SETD1A: variants seen among roughly 807,000 people sequenced by gnomAD.
SETD1A encodes the protein histone-lysine N-methyltransferase SETD1A.
In SETD1A, 29 loss-of-function variants were observed where a neutral mutation model predicts 149.9. That is an observed-to-expected ratio of 0.19 (90% confidence interval 0.14 to 0.26). The LOEUF is 0.26. SETD1A is among the 10% of genes least tolerant of loss of function. The probability of loss-of-function intolerance (pLI) is 1.00; values close to 1 mark genes in which losing one functional copy is unlikely to be tolerated. For synonymous variants in SETD1A, 1,141 were observed against 968.5 expected (o/e 1.18, Z -3.31); for missense variants, 2,109 against 2,353.1 (o/e 0.90, Z 2.15).
At position 30,965,824 on chromosome 16, in the gene SETD1A, C is replaced by T. The variant is rs745545553; in HGVS notation, c.1943C>T (p.Pro648Leu). The change falls in exon 8 of 19, where the codon CCA becomes CTA. Residue 648 changes from proline (P) to leucine (L), a missense_variant. Physicochemically the swap from Pro to Leu is moderately conservative, Grantham distance 98. Coordinates refer to ENST00000262519, the MANE Select transcript of SETD1A (RefSeq NM_014712.3). ...GGGCCGCCGCCCCCTGAGTACCCCC[C>T]ACCTCCTCCACCACCCCCGCACATC... ...PDGPPPPEYP[P>L]PPPPPPHIYD... 2 of 1,600,998 alleles carry T rather than the reference C, an allele frequency of 1.2e-6. No homozygotes were observed. The highest frequency in any genetic ancestry group is 1.7e-6 in the Non-Finnish European group (2 of 1,172,346).
At position 30,967,043 on chromosome 16, in the gene SETD1A, C is replaced by T. The variant is rs2056158149; in HGVS notation, c.2665C>T (p.Arg889Trp). 4 of 1,572,996 alleles carry T rather than the reference C, an allele frequency of 2.5e-6. No homozygotes were observed. The highest frequency in any genetic ancestry group is 1.7e-4 in the Middle Eastern group (1 of 5,886). The change falls in exon 9 of 19, where the codon CGG becomes TGG. Residue 889 changes from arginine (R) to tryptophan (W), a missense_variant. Arg to Trp is a moderately radical substitution (Grantham distance 101, BLOSUM62 -3). Coordinates refer to ENST00000262519, the MANE Select transcript of SETD1A (RefSeq NM_014712.3). ...AFGSGLRGALRLPSFKVKRKE... is the reference protein window; with the variant it reads ...AFGSGLRGALWLPSFKVKRKE... ...TGGGTCAGGGCTGAGAGGGGCCCTGCGGCTGCCTTCATTCAAGGTACTCAG... is the reference window on the plus strand; with the variant it reads ...TGGGTCAGGGCTGAGAGGGGCCCTGTGGCTGCCTTCATTCAAGGTACTCAG...
Position 30,964,707 on chromosome 16 carries a change from C to T in SETD1A, c.965C>T (p.Thr322Ile), listed in dbSNP as rs1479102396. The change falls in exon 7 of 19, where the codon ACC becomes ATC. Residue 322 changes from threonine to isoleucine, a missense_variant. Thr to Ile is a moderately conservative substitution (Grantham distance 89). Coordinates refer to ENST00000262519, the MANE Select transcript of SETD1A (RefSeq NM_014712.3). The part of the protein sequence containing the change: ...RHFSASSAST[T>I]ASTAIAATTA... ...TTCTCTGCATCTTCAGCCTCCACAACCGCCTCCACGGCCATCGCCGCCACC... is the reference window on the plus strand; with the variant it reads ...TTCTCTGCATCTTCAGCCTCCACAATCGCCTCCACGGCCATCGCCGCCACC... 1.9e-6 allele frequency: 3 copies of T among 1,614,100 alleles called. No homozygotes were observed. Among genetic ancestry groups the T allele is most frequent in the African/African-American group, 1.3e-5 (1 of 74,928 alleles).
At position 30,980,811 on chromosome 16, in the gene SETD1A, A is replaced by G. The variant is rs1017606881; in HGVS notation, c.4654A>G (p.Ile1552Val). 8 of 1,580,036 alleles carry G rather than the reference A, an allele frequency of 5.1e-6. No homozygotes were observed. The highest frequency in any genetic ancestry group is 1.7e-5 in the Admixed American group (1 of 58,478). Residue 1552 changes from isoleucine (I) to valine (V), a missense_variant, in exon 16 of 19, where the codon ATC (isoleucine) becomes GTC (valine). Physicochemically the swap from Ile to Val is conservative, Grantham distance 29. Coordinates refer to ENST00000262519, the MANE Select transcript of SETD1A (RefSeq NM_014712.3). The surrounding 1 kb of genome is among the most constrained non-coding windows in gnomAD (Gnocchi z 7.7). ...RLLSAIGTSA[I>V]MDSDLLKLNQ... ...GCTGAGCGCCATCGGTACCTCCGCC[A>G]TCATGGACAGTGACCTGCTGAAACT...
chr16:30,970,937 T>G (rs1464919797), intron 12 of SETD1A, among the ~76,000 whole-genome samples: 1 of 152,200 alleles, frequency 6.6e-6, no homozygotes, highest in African/African-American at 2.4e-5. Flanking sequence ...CCTGTCGTGT[T>G]TTTTAACCTT....
Position 30,981,019 on chromosome 16 carries a change from G to A in SETD1A, c.4693-42G>A, listed in dbSNP as rs376575001. 10 of 1,612,072 alleles carry A rather than the reference G, an allele frequency of 6.2e-6. No homozygotes were observed. The African/African-American group carries it at 1.3e-4, about 21-fold the overall frequency. ...TGTGGGAAGAGTGAGGGTCTGGGGT[G>A]TGGGAGGTGTCTGGCAGTTGAGTCT... On this transcript the variant is annotated intron_variant, in intron 16 of 18. Transcript: ENST00000262519.
intron 12 of SETD1A, 99 bp downstream of exon 12, chr16:30,969,788 G>A (rs951560158): frequency 1.2e-4 from 114 of 947,522 alleles, no homozygotes; most frequent in Non-Finnish European, 1.9e-4. Context: ...TGCTGGGCTT[G>A]TGGGTCACCT....
intron 3 of SETD1A, among the ~76,000 whole-genome samples, chr16:30,960,397 G>C (rs928052562): frequency 5.3e-5 from 8 of 152,108 alleles, no homozygotes; most frequent in African/African-American, 1.9e-4. Context: ...ATGTTCCAGG[G>C]GTCCTTGTCA....
chr16:30,982,890 G>C (rs868634934), intron 17 of SETD1A, among the ~76,000 whole-genome samples: 1 of 152,320 alleles, frequency 6.6e-6, no homozygotes, highest in African/African-American at 2.4e-5. Context: ...CTGGGAGTAT[G>C]ATGGGAGGGC....
In SETD1A at chr16:30,969,450, C is replaced by T. The variant is rs1416051725; in HGVS notation, c.2916C>T (p.Ser972=). ...AAGGGGAGGAGGCATCCCAGGAGTC[C>T]TCCTCGGAGAAGGTGAGGGCCCGGG... ...DSEGEEASQE[S]SSEKDEEDDE... The change falls in exon 11 of 19, where the codon TCC becomes TCT. Residue 972 remains serine, a synonymous_variant. Transcript: ENST00000262519. 3.1e-6 allele frequency: 5 copies of T among 1,611,302 alleles called. No individual in the cohort carries two copies. Among genetic ancestry groups the T allele is most frequent in the African/African-American group, 1.3e-5 (1 of 74,986 alleles).
At position 30,964,919 on chromosome 16, in the gene SETD1A, C is replaced by G; in HGVS notation, c.1177C>G (p.Pro393Ala). The change falls in exon 7 of 19, where the codon CCT becomes GCT. Residue 393 changes from proline to alanine, a missense_variant. Transcript: ENST00000262519. ...PPRRATREEPPGAPFAENTAE... is the reference protein window; with the variant it reads ...PPRRATREEPAGAPFAENTAE... Reference sequence around the variant, plus strand: ...ACGCCGGGCCACACGGGAGGAACCCCCTGGAGCCCCTTTTGCTGAAAATAC... The same window carrying G: ...ACGCCGGGCCACACGGGAGGAACCCGCTGGAGCCCCTTTTGCTGAAAATAC... The G allele has an allele frequency of 6.2e-7, 1 of 1,614,108 alleles. No homozygotes were observed. Among genetic ancestry groups the G allele is most frequent in the South Asian group, 1.1e-5 (1 of 91,084 alleles).
At position 30,977,746 on chromosome 16, in the gene SETD1A, CT is replaced by C. The variant is rs577251718; in HGVS notation, c.3359-1398del. ...TAGAGCCTAAGGTGCAGCCAAGAGCCTGGCTCAGGGCGCCAGGGTTGGGAGT... is the reference window on the plus strand; with the variant it reads ...TAGAGCCTAAGGTGCAGCCAAGAGCCGGCTCAGGGCGCCAGGGTTGGGAGT... On this transcript the variant is annotated intron_variant, in intron 13 of 18. Transcript: ENST00000262519. Among the ~76,000 whole-genome samples, 126 of 152,338 alleles carry C rather than the reference CT, an allele frequency of 8.3e-4. 1 individual carries two copies. The highest frequency in any genetic ancestry group is 3.0e-3 in the African/African-American group (124 of 41,584).
intron 9 of SETD1A, 139 bp from the exon 10 acceptor site, chr16:30,967,362 C>T (rs2056162460): frequency 2.6e-6 from 2 of 775,846 alleles, no homozygotes; most frequent in East Asian, 2.5e-5. Context: ...CTGTGTTGGC[C>T]AGGCTGGTCT....
chr16:30,968,030 T>C (rs775502394), intron 10 of SETD1A, among the ~76,000 whole-genome samples: 7 of 152,146 alleles, frequency 4.6e-5, no homozygotes, highest in African/African-American at 7.2e-5. Context: ...TCATACTCTT[T>C]TCTTGGGCCA....
intron 13 of SETD1A, 23 bp from the exon 14 acceptor site, chr16:30,979,122 C>T (rs1467784208): frequency 1.3e-6 from 2 of 1,521,376 alleles, no homozygotes; most frequent in East Asian, 2.4e-5. Flanking sequence ...ACCTCCTTTC[C>T]TTCCTATGTG....
At chr16:30,959,736 C>T (rs1443106963) in intron 3 of SETD1A, among the ~76,000 whole-genome samples, 1 of 107,582 alleles carries the variant, frequency 9.3e-6, no homozygotes, top group Non-Finnish European at 2.0e-5. Context: ...TGTGGGGTCC[C>T]TTCATTCTTC....
At chr16:30,969,525 TG>T (rs1358779061) in intron 11 of SETD1A, 63 bp downstream of exon 11, 7 of 1,599,586 alleles carry the variant, frequency 4.4e-6, no homozygotes, top group African/African-American at 1.3e-5. Context: ...TCTTTGTGGT[TG>T]GAGCCCAGGC....
In SETD1A at chr16:30,979,639, G is replaced by C. The variant is rs747768034; in HGVS notation, c.3853G>C (p.Glu1285Gln). 1.2e-6 allele frequency: 2 copies of C among 1,610,260 alleles called. No individual in the cohort carries two copies. Among genetic ancestry groups the C allele is most frequent in the Non-Finnish European group, 1.7e-6 (2 of 1,179,740 alleles). Residue 1285 changes from glutamate to glutamine, a missense_variant, in exon 14 of 19, where the codon GAG becomes CAG. Physicochemically the swap from Glu to Gln is conservative, Grantham distance 29. Around this residue, in one of 8 missense-constraint regions of SETD1A, gnomAD observed 832 missense variants for 815.6 expected, o/e 1.02. Coordinates refer to ENST00000262519, the MANE Select transcript of SETD1A (RefSeq NM_014712.3). ...CTCAGAGGCCACAGAGACATCGGAC[G>C]AGGCCGAGCGCCCTAGGCCCCTGCT... ...EDSEATETSD[E>Q]AERPRPLLSH...
In SETD1A at chr16:30,984,389, A is replaced by G. The variant is rs1242941328; in HGVS notation, c.*366A>G. On this transcript the variant is annotated 3_prime_UTR_variant, in exon 19 of 19. Transcript: ENST00000262519. ...GGACTTCCCCTTACGCCCTGCGTGT[A>G]CCCCTCCCCAGTTTAGGGGTCTCTG... 9.9e-6 allele frequency: 2 copies of G among 201,774 alleles called. No homozygotes were observed. The highest frequency in any genetic ancestry group is 2.0e-5 in the Non-Finnish European group (2 of 98,358). 12.5% of individuals were successfully genotyped at this position (201,774 alleles called of 1,614,324 possible).
At position 30,966,037 on chromosome 16, in the gene SETD1A, C is replaced by T. The variant is rs2056139551; in HGVS notation, c.2156C>T (p.Pro719Leu). The T allele has an allele frequency of 6.4e-7, 1 of 1,563,288 alleles. No homozygotes were observed. The highest frequency in any genetic ancestry group is 1.4e-5 in the African/African-American group (1 of 73,514). Residue 719 changes from proline to leucine, a missense_variant, in exon 8 of 19, where the codon CCA (proline) becomes CTA (leucine). Around this residue, in one of 8 missense-constraint regions of SETD1A, gnomAD observed 431 missense variants for 388.6 expected, o/e 1.11. Coordinates refer to ENST00000262519, the MANE Select transcript of SETD1A (RefSeq NM_014712.3). ...GAFGEAFLPF[P>L]PPQEAAYGLP... is the part of the protein sequence containing the mutation. ...TTTGGGGAGGCCTTCCTCCCGTTTC[C>T]ACCCCCGCAGGAGGCAGCCTACGGC...
Sources: gnomAD v4.1 joint callset for allele counts (sites outside exome capture counted in the v4.1 genomes callset) on GRCh38, gnomAD v4.1.1 for gene constraint, gnomAD v4.1.1 regional missense constraint, Gnocchi (gnomAD v3.1) non-coding constraint, MANE v1.5 for transcripts, NCBI Gene and HGNC (gene_info 2026-07-23, HGNC 2026-07-21) for gene names.